The following CACNA1C variants were observed in gnomAD, a reference collection of about 807,000 sequenced individuals.
CACNA1C encodes calcium voltage-gated channel subunit alpha1 C, also known as voltage-dependent L-type calcium channel subunit alpha-1C.
A neutral mutation model predicts 229.0 loss-of-function variants in CACNA1C; 30 were observed. The ratio of observed to expected loss-of-function variants is 0.13; its 90% confidence interval spans 0.10 to 0.18. The LOEUF (loss-of-function observed/expected upper bound fraction) is 0.18. CACNA1C is among the 10% of genes least tolerant of loss of function. The pLI, the probability that CACNA1C is intolerant of heterozygous loss-of-function variation, is 1.00. For synonymous variants in CACNA1C, 1,114 were observed against 1,132.5 expected (o/e 0.98, Z 0.33); for missense variants, 1,658 against 2,845.0 (o/e 0.58, Z 9.49).
intron 13 of CACNA1C, among the ~76,000 whole-genome samples, chr12:2,571,686 G>GAA (rs144666054): frequency 6.6e-6 from 1 of 152,114 alleles, no homozygotes; most frequent in East Asian, 1.9e-4. Flanking sequence ...TCTATAAACA[G>GAA]AAAAAATCAT....
At chr12:2,643,758 A>G (rs1395562838) in intron 30 of CACNA1C, among the ~76,000 whole-genome samples, 1 of 152,084 alleles carries the variant, frequency 6.6e-6, no homozygotes, top group Non-Finnish European at 1.5e-5. Flanking sequence ...CTGGCCATGA[A>G]GTTGGCGTCA....
rs530070949 is a variant in CACNA1C at position 2,041,904 on chromosome 12, C to A, written c.139+70703C>A. On this transcript the variant is annotated intron_variant, in intron 1 of 46. Transcript: ENST00000682462. ...CAGGGCCTCCACAGTGCTTTGCTTG[C>A]AGATCCCCCCAAAAGAGTTGTGAAA... 8.5e-5 allele frequency among the ~76,000 whole-genome samples: 13 copies of A among 152,330 alleles called. No individual in the cohort carries two copies. The East Asian group carries it at 2.5e-3, about 29-fold the overall frequency.
chr12:2,489,429 G>A (rs912202646), intron 6 of CACNA1C, among the ~76,000 whole-genome samples: 10 of 152,188 alleles, frequency 6.6e-5, no homozygotes, highest in African/African-American at 2.2e-4. Context: ...AGAAGAGGCG[G>A]CGTTTCCCTA....
chr12:2,443,899 G>A (rs534806791), intron 3 of CACNA1C, among the ~76,000 whole-genome samples: 11 of 152,268 alleles, frequency 7.2e-5, no homozygotes, highest in African/African-American at 2.6e-4. Flanking sequence ...AATTCTAGAA[G>A]GGCAGTCATG....
At chr12:2,142,442 T>A (rs1182319887) in intron 3 of CACNA1C, among the ~76,000 whole-genome samples, 1 of 151,242 alleles carries the variant, frequency 6.6e-6, no homozygotes, top group Non-Finnish European at 1.5e-5. Context: ...CAGTACACAA[T>A]ACTTGATAAT....
chr12:2,085,879 A>G (rs770621199), intron 1 of CACNA1C, among the ~76,000 whole-genome samples: 2 of 151,938 alleles, frequency 1.3e-5, no homozygotes, highest in Non-Finnish European at 2.9e-5. Flanking sequence ...TACACTTCAG[A>G]TGTACTGTCT....
In CACNA1C at chr12:2,549,965, C is replaced by T. The variant is rs748856976; in HGVS notation, c.1413C>T (p.Thr471=). The T allele has an allele frequency of 1.2e-5, 20 of 1,605,320 alleles. No homozygotes were observed. Among genetic ancestry groups the T allele is most frequent in the Non-Finnish European group, 1.4e-5 (17 of 1,176,034 alleles). Residue 471 remains threonine, a synonymous_variant, in exon 10 of 47, where the codon ACC becomes ACT. Transcript: ENST00000399655. ...PRNMSMPTSE[T]ESVNTENVAG... Reference sequence around the variant, plus strand: ...CAGTGAGCATGCCCACCAGTGAGACCGAGTCCGTCAACACCGAAAACGTGG... The same window carrying T: ...CAGTGAGCATGCCCACCAGTGAGACTGAGTCCGTCAACACCGAAAACGTGG...
chr12:2,482,265 G>A (rs780158317), intron 5 of CACNA1C, among the ~76,000 whole-genome samples: 4 of 152,250 alleles, frequency 2.6e-5, no homozygotes, highest in African/African-American at 9.6e-5. Flanking sequence ...AGACTCCCCC[G>A]CCTTCCCAGC....
At chr12:2,430,045 C>T (rs892217551) in intron 3 of CACNA1C, among the ~76,000 whole-genome samples, 1 of 152,158 alleles carries the variant, frequency 6.6e-6, no homozygotes, top group Non-Finnish European at 1.5e-5. Flanking sequence ...AAGGTGCTGG[C>T]AGACTTGGTG....
intron 3 of CACNA1C, among the ~76,000 whole-genome samples, chr12:2,329,471 G>C (rs965644874): frequency 6.6e-6 from 1 of 152,144 alleles, no homozygotes; most frequent in Non-Finnish European, 1.5e-5. Flanking sequence ...TGCAGTGAGG[G>C]CCGATGCCTG....
intron 9 of CACNA1C, among the ~76,000 whole-genome samples, chr12:2,538,092 T>C (rs977345658): frequency 9.9e-5 from 15 of 152,168 alleles, no homozygotes; most frequent in Non-Finnish European, 2.9e-5. Context: ...TATGGCCTGC[T>C]GAGATCACAG....
intron 3 of CACNA1C, among the ~76,000 whole-genome samples, chr12:2,379,813 C>T (rs1013356378): frequency 2.0e-5 from 3 of 151,644 alleles, no homozygotes; most frequent in Non-Finnish European, 2.9e-5. Context: ...GGGCGGATCA[C>T]GAGGTCAGGA....
intron 29 of CACNA1C, chr12:2,615,053 A>G (rs1043411274): frequency 2.6e-5 from 4 of 152,188 alleles, no homozygotes; most frequent in Non-Finnish European, 4.4e-5. Flanking sequence ...ACAAAGCCTC[A>G]GGAACCTGCA....
chr12:2,678,014 C>G lies in CACNA1C; in HGVS notation c.5091+147C>G. On this transcript the variant is annotated intron_variant, in intron 41 of 46. Coordinates refer to ENST00000399655, the MANE Select transcript of CACNA1C (RefSeq NM_000719.7). This position sits in a 1 kb window ranked among gnomAD's most constrained non-coding sequence, Gnocchi z 4.1. ...CAGGCTCTTCCTGATGAGCTGTCTC[C>G]TCACCCCTTTGCCTTTTCCAAGCCT... 2 of 910,066 alleles carry G rather than the reference C, an allele frequency of 2.2e-6. No homozygotes were observed. The highest frequency in any genetic ancestry group is 3.3e-6 in the Non-Finnish European group (2 of 603,660). 56.4% of individuals were successfully genotyped at this position (910,066 alleles called of 1,614,324 possible).
chr12:2,049,849 C>G (rs1009337417), upstream of CACNA1C, among the ~76,000 whole-genome samples: 1 of 152,098 alleles, frequency 6.6e-6, no homozygotes, highest in African/African-American at 2.4e-5. Flanking sequence ...TTTGTTACCT[C>G]GAAAGAGCAC....
At chr12:2,421,818 G>A (rs1033711810) in intron 3 of CACNA1C, among the ~76,000 whole-genome samples, 5 of 152,082 alleles carry the variant, frequency 3.3e-5, no homozygotes, top group Non-Finnish European at 5.9e-5. Flanking sequence ...GTCTGTGGCA[G>A]GGGAATCGCT....
At chr12:2,239,678 G>C (rs11062170) in intron 3 of CACNA1C, among the ~76,000 whole-genome samples, 38,787 of 152,106 alleles carry the variant, frequency 0.26, 5,714 homozygotes, top group Non-Finnish European at 0.33. Flanking sequence ...TTTTAGCGGT[G>C]TTACCAGGGC....
Position 2,666,791 on chromosome 12 carries a change from T to C in CACNA1C, c.4623+9T>C, listed in dbSNP as rs371356312. ...ACCGCGTGGCTTGCAAAGTAAGAGA[T>C]AACGGGGTTCATGGGAGGGAGAGGG... On this transcript the variant is annotated intron_variant, in intron 37 of 46. Coordinates refer to ENST00000399655, the MANE Select transcript of CACNA1C (RefSeq NM_000719.7). This position sits in a 1 kb window ranked among gnomAD's most constrained non-coding sequence, Gnocchi z 5.3. 1.0e-5 allele frequency: 16 copies of C among 1,563,422 alleles called. No homozygotes were observed. The African/African-American group carries it at 1.2e-4, about 12-fold the overall frequency.
intron 1 of CACNA1C, among the ~76,000 whole-genome samples, chr12:2,062,819 A>G (rs1056248402): frequency 3.3e-5 from 5 of 152,164 alleles, no homozygotes; most frequent in Non-Finnish European, 5.9e-5. Context: ...CACTCCCTCC[A>G]GGAAAATAGA....
Sources: allele counts gnomAD v4.1 joint callset (sites outside exome capture counted in the v4.1 genomes callset), GRCh38; gene constraint gnomAD v4.1.1; non-coding constraint Gnocchi (gnomAD v3.1); transcripts MANE v1.5; gene names NCBI Gene and HGNC (gene_info 2026-07-23, HGNC 2026-07-21).